Variants in FRMPD4 observed in about 807,000 individuals in gnomAD.
FRMPD4 encodes FERM and PDZ domain-containing protein 4.
Under a neutral mutation model 94.1 loss-of-function variants are expected in FRMPD4, and 22 were observed. The observed-to-expected ratio is 0.23, with a 90% CI of 0.17 to 0.33. The LOEUF (loss-of-function observed/expected upper bound fraction) is 0.33. FRMPD4 is among the 10% of genes least tolerant of loss of function. The pLI, the probability that FRMPD4 is intolerant of heterozygous loss-of-function variation, is 1.00. For missense variants in FRMPD4, 1,111 were observed against 1,339.9 expected, an observed-to-expected ratio of 0.83 and a Z score of 2.67; for synonymous variants, 631 against 548.6, an observed-to-expected ratio of 1.15 and a Z score of -2.10.
chrX:12,686,103 G>T lies in FRMPD4; in HGVS notation c.580G>T (p.Val194Phe). Residue 194 changes from valine (V) to phenylalanine (F), a missense_variant, in exon 7 of 17, where the codon GTT (valine) becomes TTT (phenylalanine). Val to Phe is a conservative substitution (Grantham distance 50, BLOSUM62 -1). Coordinates refer to ENST00000675598, the MANE Select transcript of FRMPD4 (RefSeq NM_001368397.1). ...CCTTTTTTTTGTTAAACAGGAAACTGTTAAGGACAACTCACTTCTTTTTAT... is the reference window on the plus strand; with the variant it reads ...CCTTTTTTTTGTTAAACAGGAAACTTTTAAGGACAACTCACTTCTTTTTAT... ...VIINGQVSETVKDNSLLFMPN... is the reference protein window; with the variant it reads ...VIINGQVSETFKDNSLLFMPN... 4 of 1,123,143 alleles carry T rather than the reference G, an allele frequency of 3.6e-6. No individual in the cohort carries two copies. The highest frequency in any genetic ancestry group is 4.9e-6 in the Non-Finnish European group (4 of 816,831). 92.6% of individuals were successfully genotyped at this position (1,123,143 alleles called of 1,213,427 possible).
chrX:12,042,512 C>T (rs2054761599), intron 3 of FRMPD4, among the ~76,000 whole-genome samples: 2 of 111,319 alleles, frequency 1.8e-5, no homozygotes, highest in African/African-American at 3.3e-5. Flanking sequence ...TAGCTTAGCA[C>T]TCAGGCAATA....
intron 4 of FRMPD4, among the ~76,000 whole-genome samples, chrX:12,665,430 C>T (rs1272087563): frequency 1.4e-4 from 13 of 95,120 alleles, no homozygotes; most frequent in South Asian, 1.0e-3. Context: ...GGCAACAGAG[C>T]GAGACTCCGT....
At chrX:11,912,793 GAAA>G (rs1056538332) in intron 3 of FRMPD4, among the ~76,000 whole-genome samples, 1 of 107,458 alleles carries the variant, frequency 9.3e-6, no homozygotes, top group African/African-American at 3.4e-5. Context: ...AAAAAAAAAA[GAAA>G]AAAAGAAGAA....
intron 4 of FRMPD4, among the ~76,000 whole-genome samples, chrX:12,625,358 T>C (rs1440859037): frequency 8.9e-6 from 1 of 111,781 alleles, no homozygotes; most frequent in Non-Finnish European, 1.9e-5. Context: ...TGCAGCACTA[T>C]TCACAATAGC....
intron 1 of FRMPD4, among the ~76,000 whole-genome samples, chrX:12,264,497 A>C (rs1043544676): frequency 8.9e-6 from 1 of 111,983 alleles, no homozygotes; most frequent in Non-Finnish European, 1.9e-5. Flanking sequence ...TTCTGCAAAC[A>C]TTTTATTATA....
At chrX:11,835,703 A>G (rs1231645307) in intron 1 of FRMPD4, among the ~76,000 whole-genome samples, 3 of 110,370 alleles carry the variant, frequency 2.7e-5, no homozygotes, top group South Asian at 3.8e-4. Context: ...CCTTTCAACC[A>G]TTTTGTCCTT....
chrX:12,430,631 G>A (rs1247958633), intron 1 of FRMPD4, among the ~76,000 whole-genome samples: 2 of 111,561 alleles, frequency 1.8e-5, no homozygotes, highest in Non-Finnish European at 3.8e-5. Flanking sequence ...CTGGTGCCAA[G>A]GCCAGTTTCA....
intron 3 of FRMPD4, among the ~76,000 whole-genome samples, chrX:12,078,741 A>G (rs1187779480): frequency 9.0e-6 from 1 of 111,584 alleles, no homozygotes; most frequent in Non-Finnish European, 1.9e-5. Context: ...TTTGTGGTGG[A>G]GCACTACCCT....
chrX:12,358,147 G>A (rs1332124802), intron 1 of FRMPD4, among the ~76,000 whole-genome samples: 2 of 112,033 alleles, frequency 1.8e-5, no homozygotes, highest in African/African-American at 3.2e-5. Context: ...GTTTATGAGC[G>A]TGTGGGTTGT....
intron 3 of FRMPD4, among the ~76,000 whole-genome samples, chrX:12,103,143 T>A (rs904975593): frequency 1.8e-5 from 2 of 111,266 alleles, no homozygotes; most frequent in Admixed American, 9.6e-5. Context: ...ACGGTAAGAG[T>A]CACACTGCCT....
At position 11,923,206 on chromosome X, in the gene FRMPD4, C is replaced by G. The variant is rs187044190; in HGVS notation, c.95+45188C>G. 5.2e-3 allele frequency among the ~76,000 whole-genome samples: 590 copies of G among 113,120 alleles called. 3 individuals carry two copies. Among genetic ancestry groups the G allele is most frequent in the African/African-American group, 0.018 (569 of 31,172 alleles). On this transcript the variant is annotated intron_variant, in intron 3 of 18. Transcript: ENST00000640291. ...GCATGTGGAAAAGCAGTCCACTCCC[C>G]TCCACTCCACTACCAACTCCTATTG...
chrX:12,630,093 A>G (rs774765666), intron 4 of FRMPD4, among the ~76,000 whole-genome samples: 14 of 112,273 alleles, frequency 1.2e-4, no homozygotes, highest in Middle Eastern at 4.2e-3. Context: ...GGTGACAGGA[A>G]CCAGAGTGAC....
At chrX:12,053,036 CTG>C (rs1260109436) in intron 3 of FRMPD4, among the ~76,000 whole-genome samples, 1 of 110,830 alleles carries the variant, frequency 9.0e-6, no homozygotes, top group African/African-American at 3.3e-5. Flanking sequence ...TTGTGAAACA[CTG>C]TTAAAAATTG....
intron 1 of FRMPD4, among the ~76,000 whole-genome samples, chrX:11,856,156 A>G (rs765632294): frequency 9.0e-6 from 1 of 111,592 alleles, no homozygotes; most frequent in Non-Finnish European, 1.9e-5. Flanking sequence ...AATTATCATA[A>G]GAACAGAATG....
chrX:11,855,463 T>C (rs2053648652), intron 1 of FRMPD4, among the ~76,000 whole-genome samples: 1 of 112,276 alleles, frequency 8.9e-6, no homozygotes, highest in Admixed American at 9.4e-5. Context: ...GTCTGCAAAT[T>C]TTCCAAACTT....
intron 3 of FRMPD4, among the ~76,000 whole-genome samples, chrX:12,008,342 G>A (rs1025112132): frequency 1.7e-4 from 19 of 111,792 alleles, no homozygotes; most frequent in Non-Finnish European, 3.6e-4. Flanking sequence ...TCTATTATTT[G>A]TCATTGGCTT....
At chrX:12,080,800 A>G (rs899446343) in intron 3 of FRMPD4, among the ~76,000 whole-genome samples, 2 of 112,229 alleles carry the variant, frequency 1.8e-5, no homozygotes, top group African/African-American at 6.5e-5. Flanking sequence ...AGGTAACTGA[A>G]GAAGGTCAAT....
chrX:12,450,711 G>A (rs1160529006), intron 1 of FRMPD4, among the ~76,000 whole-genome samples: 1 of 110,208 alleles, frequency 9.1e-6, no homozygotes, highest in African/African-American at 3.3e-5. Context: ...ATAGCAGCCA[G>A]CAAAAACTGC....
intron 3 of FRMPD4, among the ~76,000 whole-genome samples, chrX:11,889,983 A>G (rs1310009546): frequency 6.2e-5 from 7 of 112,481 alleles, no homozygotes; most frequent in African/African-American, 2.3e-4. Context: ...TACTTCTGTC[A>G]CACTCTCCTG....
Sources: gnomAD v4.1 joint callset for allele counts (sites outside exome capture counted in the v4.1 genomes callset) on GRCh38, gnomAD v4.1.1 for gene constraint, MANE v1.5 for transcripts, NCBI Gene and HGNC (gene_info 2026-07-23, HGNC 2026-07-21) for gene names.